The following FBN1 variants were observed in gnomAD, a reference collection of about 807,000 sequenced individuals.
FBN1 encodes fibrillin 1, also known as fibrillin-1.
A neutral mutation model predicts 365.1 loss-of-function variants in FBN1; 29 were observed. The ratio of observed to expected loss-of-function variants is 0.08; its 90% CI spans 0.06 to 0.11. The LOEUF (loss-of-function observed/expected upper bound fraction) is 0.11, where lower values mean the gene tolerates loss of function less well. Among genes scored for constraint, FBN1 ranks in the 10% least tolerant of loss-of-function variants. The pLI, the probability that FBN1 is intolerant of heterozygous loss-of-function variation, is 1.00. For missense variants in FBN1, 2,476 were observed against 3,703.2 expected (o/e 0.67, Z 8.60); for synonymous variants, 1,210 against 1,270.5 (o/e 0.95, Z 1.01).
intron 6 of FBN1, among the ~76,000 whole-genome samples, chr15:48,586,395 G>A (rs2044435464): frequency 6.6e-6 from 1 of 152,122 alleles, no homozygotes; most frequent in African/African-American, 2.4e-5. Context: ...GAGAGAATGA[G>A]ACTTAAACTT....
chr15:48,520,536 T>C (rs2043843011), intron 10 of FBN1, 123 bp downstream of exon 10: 2 of 1,142,692 alleles, frequency 1.8e-6, no homozygotes. Context: ...GGACGTCATC[T>C]CTTATATTTC....
At chr15:48,449,633 T>C (rs763395128) in intron 45 of FBN1, among the ~76,000 whole-genome samples, 3 of 152,244 alleles carry the variant, frequency 2.0e-5, no homozygotes, top group Admixed American at 6.5e-5. Flanking sequence ...TGAATTCACA[T>C]ATGACATAAT....
chr15:48,474,984 A>G (rs1313749972), intron 32 of FBN1, among the ~76,000 whole-genome samples: 1 of 152,008 alleles, frequency 6.6e-6, no homozygotes, highest in East Asian at 1.9e-4. Context: ...CTTGTCACAT[A>G]TTTTCTTTTG....
At chr15:48,562,486 A>G (rs1003191315) in intron 6 of FBN1, among the ~76,000 whole-genome samples, 2 of 152,216 alleles carry the variant, frequency 1.3e-5, no homozygotes, top group Non-Finnish European at 2.9e-5. Flanking sequence ...CCTTTTGTGC[A>G]TGGGCATGAA....
chr15:48,445,119 T>TAC lies in FBN1; in HGVS notation c.5917+255_5917+256dup, dbSNP rs563349383. Among the ~76,000 whole-genome samples the TAC allele has an allele frequency of 1.6e-4, 23 of 140,628 alleles. 1 individual carries two copies. In the South Asian group the frequency reaches 5.1e-3, roughly 31 times the overall value. The allele number at this position is 140,628 out of a possible 152,430, so 92.3% of individuals were successfully genotyped here. On this transcript the variant is annotated intron_variant, in intron 48 of 65. Transcript: ENST00000316623. ...GGGAAAAAGTGATTATATATATATA[T>TAC]ACACATATATATATATACACACACA...
intron 59 of FBN1, 87 bp from the exon 60 acceptor site, chr15:48,425,578 G>A (rs1374973129): frequency 3.1e-6 from 5 of 1,589,414 alleles, no homozygotes; most frequent in Admixed American, 3.4e-5. Flanking sequence ...AAGAATTTTA[G>A]TTTCGGGGAA....
At chr15:48,591,222 G>A (rs1382617035) in intron 6 of FBN1, among the ~76,000 whole-genome samples, 3 of 151,976 alleles carry the variant, frequency 2.0e-5, no homozygotes, top group Non-Finnish European at 4.4e-5. Flanking sequence ...TAAAATGTGT[G>A]ATTACCCACT....
chr15:48,493,821 C>G (rs1452044242), intron 23 of FBN1, among the ~76,000 whole-genome samples: 1 of 152,190 alleles, frequency 6.6e-6, no homozygotes, highest in Non-Finnish European at 1.5e-5. Context: ...AGAATGTGTC[C>G]TTCTAAATCA....
chr15:48,519,899 G>A (rs1288052615), intron 10 of FBN1, among the ~76,000 whole-genome samples: 1 of 152,122 alleles, frequency 6.6e-6, no homozygotes, highest in African/African-American at 2.4e-5. Context: ...TTCATCCTGG[G>A]GAAATATTTT....
chr15:48,633,509 T>C (rs1247463668), intron 2 of FBN1, among the ~76,000 whole-genome samples: 1 of 152,048 alleles, frequency 6.6e-6, no homozygotes, highest in Admixed American at 6.6e-5. Flanking sequence ...GAGAAGACTA[T>C]TTCTCTTTTT....
intron 31 of FBN1, 130 bp downstream of exon 31, chr15:48,483,688 G>C: frequency 9.9e-7 from 1 of 1,010,352 alleles, no homozygotes; most frequent in Admixed American, 1.9e-5. Flanking sequence ...TAAAATATGA[G>C]TATTGTGCCT....
At chr15:48,560,854 G>T (rs2044217667) in intron 6 of FBN1, among the ~76,000 whole-genome samples, 1 of 152,134 alleles carries the variant, frequency 6.6e-6, no homozygotes, top group African/African-American at 2.4e-5. Flanking sequence ...AGTACTGGAA[G>T]TTAGATGTCC....
rs75589930 is a variant in FBN1, at chr15:48,631,628, G to T, written c.164+12978C>A. On this transcript the variant is annotated intron_variant, in intron 2 of 65. Transcript: ENST00000316623. Reference sequence around the variant, plus strand: ...TATTTCTTTGGCGACAGTGAAGGGCGTGTGACTGGGGCAGTGCTGGAGTTC... The same window carrying T: ...TATTTCTTTGGCGACAGTGAAGGGCTTGTGACTGGGGCAGTGCTGGAGTTC... Among the ~76,000 whole-genome samples, 2,325 of 152,282 alleles carry T rather than the reference G, an allele frequency of 0.015. 208 individuals carry two copies. The East Asian group carries it at 0.24, about 15-fold the overall frequency.
intron 50 of FBN1, among the ~76,000 whole-genome samples, chr15:48,440,327 G>A (rs979341279): frequency 6.6e-6 from 1 of 152,172 alleles, no homozygotes; most frequent in Non-Finnish European, 1.5e-5. Flanking sequence ...TTCCTGCAGC[G>A]TTAGCTTGCT....
chr15:48,492,524 C>T lies in FBN1; in HGVS notation c.2791G>A (p.Gly931Arg), dbSNP rs761232763. The change falls in exon 24 of 66, where the codon GGG (glycine) becomes AGG (arginine). Residue 931 changes from glycine to arginine, a missense_variant. Physicochemically the swap from Gly to Arg is moderately radical, Grantham distance 125. Transcript: ENST00000316623. ...CKNGLCVNTR[G>R]SFKCQCPSGM... ...CTGGGACACTGACACTTGAATGACC[C>T]CCTAGTGTTAACACACAGGCCATTT... The T allele has an allele frequency of 4.3e-6, 7 of 1,612,240 alleles. No homozygotes were observed. The South Asian group carries it at 7.7e-5, about 18-fold the overall frequency.
At chr15:48,616,353 C>T (rs1186848024) in intron 2 of FBN1, among the ~76,000 whole-genome samples, 2 of 152,194 alleles carry the variant, frequency 1.3e-5, no homozygotes, top group African/African-American at 4.8e-5. Flanking sequence ...TGGTATGGCT[C>T]AACGCAAAGT....
chr15:48,567,195 A>C (rs1436583381), intron 6 of FBN1, among the ~76,000 whole-genome samples: 2 of 152,248 alleles, frequency 1.3e-5, no homozygotes, highest in African/African-American at 4.8e-5. Flanking sequence ...AATTAAGAGT[A>C]AACCTTTAGG....
At chr15:48,486,473 A>C (rs2043507765) in intron 29 of FBN1, among the ~76,000 whole-genome samples, 1 of 152,242 alleles carries the variant, frequency 6.6e-6, no homozygotes, top group Non-Finnish European at 1.5e-5. Context: ...TCACAGCACG[A>C]CTAAACCTAC....
intron 30 of FBN1, 41 bp from the exon 31 acceptor site, chr15:48,483,984 G>T (rs1301877064): frequency 3.1e-6 from 5 of 1,605,346 alleles, no homozygotes; most frequent in Non-Finnish European, 3.4e-6. Context: ...TGTTGATATT[G>T]GTTCCACTGT....
Sources: allele counts gnomAD v4.1 joint callset (sites outside exome capture counted in the v4.1 genomes callset), GRCh38; gene constraint gnomAD v4.1.1; transcripts MANE v1.5; gene names NCBI Gene and HGNC (gene_info 2026-07-23, HGNC 2026-07-21).